ABL2: variants seen among roughly 807,000 people sequenced by gnomAD.
The protein encoded by ABL2 is tyrosine-protein kinase ABL2.
ABL2 carries 49 observed loss-of-function variants against 107.7 expected under a neutral mutation model. The observed-to-expected ratio is 0.45, with a 90% confidence interval of 0.36 to 0.58. The LOEUF (loss-of-function observed/expected upper bound fraction) is 0.58, where lower values mean the gene tolerates loss of function less well. Ranked by LOEUF, ABL2 falls within the 20% of genes least tolerant of loss-of-function variation. The pLI is 0.00. For missense variants in ABL2, 1,245 were observed against 1,457.0 expected (o/e 0.85, Z 2.37); for synonymous variants, 549 against 548.6 (o/e 1.00, Z -0.01).
chr1:179,213,042 G>A (rs1485719078), intron 1 of ABL2, among the ~76,000 whole-genome samples: 13 of 100,126 alleles, frequency 1.3e-4, no homozygotes, highest in African/African-American at 3.2e-4. Flanking sequence ...GTGAAACTCC[G>A]TCTCAAAAAA....
At chr1:179,114,793 T>C (rs1046609769) in intron 9 of ABL2, 85 bp downstream of exon 9, 159 of 1,376,972 alleles carry the variant, frequency 1.2e-4, no homozygotes, top group Non-Finnish European at 1.4e-4. Flanking sequence ...CTAACAACAC[T>C]GAGAGGAGAA....
At chr1:179,215,055 G>GA (rs1436222649) in intron 1 of ABL2, among the ~76,000 whole-genome samples, 1 of 151,996 alleles carries the variant, frequency 6.6e-6, no homozygotes, top group Non-Finnish European at 1.5e-5. Context: ...AGCTACTAGG[G>GA]AGGCTGAGGC....
rs1180855184 is a variant in ABL2, at chr1:179,131,495, G to C, written c.221-14C>G. The C allele has an allele frequency of 2.2e-5, 35 of 1,611,540 alleles. No individual in the cohort carries two copies. The highest frequency in any genetic ancestry group is 2.5e-5 in the Non-Finnish European group (30 of 1,177,868). On this transcript the variant is annotated splice_polypyrimidine_tract_variant and intron_variant, in intron 2 of 11. Transcript: ENST00000502732. ...GATGCAAAGCTTCTGAAAGACATAA[G>C]AAGGGAAGGGAATTCACGGTGAGTT...
intron 1 of ABL2, among the ~76,000 whole-genome samples, chr1:179,168,908 C>T (rs1309746350): frequency 6.6e-6 from 1 of 152,098 alleles, no homozygotes; most frequent in Admixed American, 6.5e-5. Context: ...ATAAATAATG[C>T]CAAAAATATC....
At chr1:179,215,033 G>A (rs182058511) in intron 1 of ABL2, among the ~76,000 whole-genome samples, 5 of 151,914 alleles carry the variant, frequency 3.3e-5, no homozygotes, top group Non-Finnish European at 7.4e-5. Context: ...GGTGGCGGGC[G>A]CCTGTAGTCC....
At chr1:179,221,673 G>T in intron 1 of ABL2, 1 of 209,080 alleles carries the variant, frequency 4.8e-6, no homozygotes, top group Non-Finnish European at 1.1e-5. Context: ...CATGACAACA[G>T]ACACTTATGT....
At chr1:179,165,849 G>A (rs534147039) in intron 1 of ABL2, among the ~76,000 whole-genome samples, 2 of 151,682 alleles carry the variant, frequency 1.3e-5, no homozygotes, top group East Asian at 3.9e-4. Flanking sequence ...AGGCTGGAGT[G>A]TAGTGGCGCG....
At chr1:179,175,111 T>C (rs1464194773) in intron 1 of ABL2, among the ~76,000 whole-genome samples, 1 of 152,056 alleles carries the variant, frequency 6.6e-6, no homozygotes, top group Non-Finnish European at 1.5e-5. Flanking sequence ...CCTGAACTCC[T>C]GGCCTCAAGC....
chr1:179,151,262 A>C (rs1042887658), intron 1 of ABL2, among the ~76,000 whole-genome samples: 1 of 152,226 alleles, frequency 6.6e-6, no homozygotes, highest in African/African-American at 2.4e-5. Flanking sequence ...CGTTTTAATC[A>C]GAACTATGCT....
chr1:179,229,512 C>CCAGCCA lies in ABL2; in HGVS notation c.-116_-115insTGGCTG. On this transcript the variant is annotated 5_prime_UTR_variant, in exon 1 of 12. Transcript: ENST00000502732. ...TCTCCCTCCCAGCCCAGGCCCTGGC[C>CCAGCCA]CTGAGTGGCTGGGCCACCGGCGGCT... 1 of 1,200,454 alleles carries CCAGCCA rather than the reference C, an allele frequency of 8.3e-7. No homozygotes were observed. The highest frequency in any genetic ancestry group is 1.1e-6 in the Non-Finnish European group (1 of 923,138). 74.4% of individuals were successfully genotyped at this position (1,200,454 alleles called of 1,614,324 possible).
chr1:179,124,499 C>T (rs113199648), intron 4 of ABL2, among the ~76,000 whole-genome samples: 3,035 of 106,984 alleles, frequency 0.028, 71 homozygotes, highest in Middle Eastern at 0.12. Context: ...GACAGAGTCT[C>T]GCTCTGTTGC....
Position 179,100,603 on chromosome 1 carries a change from T to C in ABL2, c.*7115A>G, listed in dbSNP as rs191491111. ...ATAAAGCCTGCTAGCATTCGACAGT[T>C]TGCCTCCAGCTTTTCTAAAAGGTTA... On this transcript the variant is annotated 3_prime_UTR_variant, in exon 12 of 12. Transcript: ENST00000502732. 3.5e-5 allele frequency: 8 copies of C among 229,352 alleles called. No homozygotes were observed. Among genetic ancestry groups the C allele is most frequent in the African/African-American group, 1.3e-4 (6 of 45,126 alleles). The allele number at this position is 229,352 out of a possible 1,614,324, so 14.2% of individuals were successfully genotyped here. A position where few individuals can be genotyped will look rare whatever the true frequency, so the allele number is the denominator to read the frequency against.
chr1:179,118,472 C>T, intron 7 of ABL2, 115 bp downstream of exon 7: 2 of 1,069,464 alleles, frequency 1.9e-6, no homozygotes, highest in South Asian at 1.6e-5. Flanking sequence ...CTGTGAAATA[C>T]AAAATTACTT....
intron 1 of ABL2, among the ~76,000 whole-genome samples, chr1:179,217,358 GC>G (rs1662623670): frequency 6.7e-6 from 1 of 149,558 alleles, no homozygotes; most frequent in African/African-American, 2.5e-5. Flanking sequence ...AGGTGTGGTG[GC>G]TCACACCTGT....
chr1:179,133,461 TCAA>T, intron 1 of ABL2, 87 bp from the exon 2 acceptor site: 6 of 1,607,242 alleles, frequency 3.7e-6, no homozygotes, highest in Non-Finnish European at 5.1e-6. Flanking sequence ...TTCATGGCAT[TCAA>T]AGGCCTTTCA....
intron 1 of ABL2, among the ~76,000 whole-genome samples, chr1:179,194,986 A>T (rs1160128075): frequency 6.6e-6 from 1 of 152,160 alleles, no homozygotes; most frequent in South Asian, 2.1e-4. Context: ...AGGGAAATGC[A>T]TATCAAAACG....
Position 179,126,178 on chromosome 1 carries a change from T to C in ABL2, c.687+199A>G, listed in dbSNP as rs1655705009. On this transcript the variant is annotated intron_variant, in intron 4 of 11. Transcript: ENST00000502732. The surrounding 1 kb of genome is among the most constrained non-coding windows in gnomAD (Gnocchi z 4.4). ...GCTTATCTTTAAAATATTAATATAA[T>C]ACTGTTTTTAAAAATTTCTATTACC... is the stretch of plus-strand genomic sequence containing the variant. Among the ~76,000 whole-genome samples the C allele has an allele frequency of 6.6e-6, 1 of 152,214 alleles. No homozygotes were observed. Among genetic ancestry groups the C allele is most frequent in the Non-Finnish European group, 1.5e-5 (1 of 68,046 alleles).
At position 179,110,552 on chromosome 1, in the gene ABL2, A is replaced by G; in HGVS notation, c.1652-97T>C. The G allele has an allele frequency of 3.3e-6, 5 of 1,522,514 alleles. No homozygotes were observed. The South Asian group carries it at 6.7e-5, about 20-fold the overall frequency. 94.3% of individuals were successfully genotyped at this position (1,522,514 alleles called of 1,614,324 possible). A position where few individuals can be genotyped will look rare whatever the true frequency, so the allele number is the denominator to read the frequency against. On this transcript the variant is annotated intron_variant, in intron 10 of 11. Transcript: ENST00000502732. Reference sequence around the variant, plus strand: ...GGCACACAACTGAGAAAGAACTGGCAAGTAGAGTACTAAAATACATACACG... The same window carrying G: ...GGCACACAACTGAGAAAGAACTGGCGAGTAGAGTACTAAAATACATACACG...
chr1:179,229,170 G>GCCCCCCCCCCCC lies in ABL2; in HGVS notation c.157+70_157+71insGGGGGGGGGGGG. The GCCCCCCCCCCCC allele has an allele frequency of 1.5e-5, 4 of 266,256 alleles. 1 individual carries two copies. The highest frequency in any genetic ancestry group is 2.7e-5 in the Non-Finnish European group (4 of 148,000). The allele number at this position is 266,256 out of a possible 1,614,324, so 16.5% of individuals were successfully genotyped here. A position where few individuals can be genotyped will look rare whatever the true frequency, so the allele number is the denominator to read the frequency against. The stretch of plus-strand genomic sequence containing the variant: ...CTCCGACCCCTCGGGCAGCCCGTCC[G>GCCCCCCCCCCCC]CCACCCACCCCGCCCCGACCCCACC... On this transcript the variant is annotated intron_variant, in intron 1 of 11. Coordinates refer to ENST00000502732, the MANE Select transcript of ABL2 (RefSeq NM_007314.4).
Sources: allele counts gnomAD v4.1 joint callset (sites outside exome capture counted in the v4.1 genomes callset), GRCh38; gene constraint gnomAD v4.1.1; non-coding constraint Gnocchi (gnomAD v3.1); transcripts MANE v1.5; gene names NCBI Gene and HGNC (gene_info 2026-07-23, HGNC 2026-07-21).